The following FAM153A variants were observed in gnomAD, a reference collection of about 807,000 sequenced individuals.
FAM153A encodes protein FAM153A.
FAM153A carries 12 observed loss-of-function variants against 48.1 expected under a neutral mutation model. The observed-to-expected ratio is 0.25, with a 90% confidence interval of 0.16 to 0.40. The LOEUF is 0.40. FAM153A is among the 10% of genes least tolerant of loss of function. The probability of loss-of-function intolerance (pLI) is 1.00; values close to 1 mark genes in which losing one functional copy is unlikely to be tolerated. For synonymous variants in FAM153A, 36 were observed against 118.2 expected (o/e 0.30, Z 4.51); for missense variants, 111 against 345.8 (o/e 0.32, Z 5.38).
chr5:177,758,921 A>G (rs1376694986), intron 1 of FAM153A, among the ~76,000 whole-genome samples: 5 of 151,674 alleles, frequency 3.3e-5, no homozygotes, highest in Non-Finnish European at 5.9e-5. Flanking sequence ...ATGGGCAAGG[A>G]CTTCATGTCT....
At chr5:177,699,744 C>CA in the FAM153A span, among the ~76,000 whole-genome samples, 3 of 152,052 alleles carry the variant, frequency 2.0e-5, no homozygotes, top group South Asian at 6.2e-4. Context: ...AGCCCAGGGC[C>CA]AGATGGCTTG....
chr5:177,740,687 C>T lies in FAM153A; in HGVS notation c.466+90G>A, dbSNP rs1370235076. 18 of 901,296 alleles carry T rather than the reference C, an allele frequency of 2.0e-5. 3 individuals carry two copies. The Middle Eastern group carries it at 1.1e-3, about 56-fold the overall frequency. The allele number at this position is 901,296 out of a possible 1,614,324, so 55.8% of individuals were successfully genotyped here. A position where few individuals can be genotyped will look rare whatever the true frequency, so the allele number is the denominator to read the frequency against. On this transcript the variant is annotated intron_variant, in intron 8 of 20. Coordinates refer to ENST00000614127, the Ensembl canonical transcript of FAM153A. ...AGCAAACCACCATGACACATTTATA[C>T]CAATGTAACAAAGCTGCATGTTCTA...
At chr5:177,759,267 C>T (rs548032437) in intron 1 of FAM153A, among the ~76,000 whole-genome samples, 1 of 151,754 alleles carries the variant, frequency 6.6e-6, no homozygotes, top group Non-Finnish European at 1.5e-5. Flanking sequence ...ACCACAATGA[C>T]ATACCATCTC....
At chr5:177,712,476 GA>G (rs1433087037) in exon 27 of FAM153A, 1 of 151,514 alleles carries the variant, frequency 6.6e-6, no homozygotes, top group Admixed American at 6.6e-5. Context: ...CACCTCAAAA[GA>G]AAAAATAAGG....
rs547515991 is a variant in FAM153A, at chr5:177,738,279, G to A, written c.562+834C>T. On this transcript the variant is annotated intron_variant, in intron 10 of 20. Transcript: ENST00000614127. ...TATGCCGTTAAATACAATATAACACGCCTGATTATTTTCTGCTTTGGATCA... is the reference window on the plus strand; with the variant it reads ...TATGCCGTTAAATACAATATAACACACCTGATTATTTTCTGCTTTGGATCA... Among the ~76,000 whole-genome samples the A allele has an allele frequency of 1.3e-4, 19 of 151,204 alleles. 1 individual carries two copies. The highest frequency in any genetic ancestry group is 4.7e-4 in the African/African-American group (19 of 40,520).
chr5:177,705,974 A>G (rs901282045), downstream of FAM153A, among the ~76,000 whole-genome samples: 8 of 151,414 alleles, frequency 5.3e-5, no homozygotes, highest in South Asian at 4.2e-4. Flanking sequence ...ACATTTTTCA[A>G]AGAAACTAAA....
chr5:177,701,069 C>T, the FAM153A span, among the ~76,000 whole-genome samples: 3 of 151,514 alleles, frequency 2.0e-5, no homozygotes, highest in Non-Finnish European at 4.4e-5. Context: ...TAGTGAGTTC[C>T]CTTGAGATCT....
In FAM153A at chr5:177,731,579, C is replaced by A; in HGVS notation, c.852G>T (p.Thr284=). 4.6e-6 allele frequency: 5 copies of A among 1,098,004 alleles called. 1 individual carries two copies. The highest frequency in any genetic ancestry group is 3.7e-6 in the Non-Finnish European group (3 of 820,788). The allele number at this position is 1,098,004 out of a possible 1,614,324, so 68.0% of individuals were successfully genotyped here. ...TCCCAGAATACGTACTCTTTGCCAG[C>A]GTGGCTGGGTCCACCTGCATCTAGA... is the stretch of plus-strand genomic sequence containing the variant. The change falls in exon 16 of 21, where the codon ACG becomes ACT. Residue 284 remains threonine (T), a synonymous_variant. Coordinates refer to ENST00000614127, the Ensembl canonical transcript of FAM153A.
At chr5:177,730,637 C>T (rs1471113037) in intron 16 of FAM153A, among the ~76,000 whole-genome samples, 6 of 126,736 alleles carry the variant, frequency 4.7e-5, no homozygotes, top group African/African-American at 1.6e-4. Context: ...CACATGCACA[C>T]AGAAGTGCTG....
chr5:177,781,885 ATT>A (rs1278832484), upstream of FAM153A, among the ~76,000 whole-genome samples: 36 of 67,236 alleles, frequency 5.4e-4, no homozygotes, highest in East Asian at 6.4e-3. Context: ...CGCCCGGCTA[ATT>A]TTTTTTTTTT....
chr5:177,753,464 A>G (rs1232225438), upstream of FAM153A, among the ~76,000 whole-genome samples: 2 of 147,412 alleles, frequency 1.4e-5, no homozygotes, highest in Non-Finnish European at 3.0e-5. Context: ...GTATTATTCT[A>G]TGTGTATGAA....
upstream of FAM153A, among the ~76,000 whole-genome samples, chr5:177,758,009 CA>C (rs1241164616): frequency 6.6e-6 from 1 of 151,818 alleles, no homozygotes; most frequent in African/African-American, 2.4e-5. Flanking sequence ...AAAGGGTATT[CA>C]ATTAGGAAAA....
At chr5:177,704,666 C>G (rs1345987875), downstream of FAM153A, among the ~76,000 whole-genome samples, 1 of 151,712 alleles carries the variant, frequency 6.6e-6, no homozygotes, top group Non-Finnish European at 1.5e-5. Flanking sequence ...TGGTGCTGTT[C>G]TCATGATAGT....
chr5:177,755,261 G>A (rs550767743), upstream of FAM153A, among the ~76,000 whole-genome samples: 20 of 151,574 alleles, frequency 1.3e-4, 2 homozygotes, highest in African/African-American at 4.6e-4. Context: ...TGAATGAAAT[G>A]AAGCGAGAAG....
At chr5:177,705,364 G>T (rs1757784536), downstream of FAM153A, among the ~76,000 whole-genome samples, 1 of 120,776 alleles carries the variant, frequency 8.3e-6, no homozygotes, top group Admixed American at 1.2e-4. Flanking sequence ...GTTTCACCAT[G>T]TGAGATACCT....
At chr5:177,754,363 C>T (rs58736697), upstream of FAM153A, among the ~76,000 whole-genome samples, 64,596 of 137,352 alleles carry the variant, frequency 0.47, 10,654 homozygotes, top group Middle Eastern at 0.51. Context: ...TGGAGCCCAC[C>T]GCAGCTCAAG....
At chr5:177,740,496 A>T in intron 8 of FAM153A, 1 of 170,560 alleles carries the variant, frequency 5.9e-6, no homozygotes, top group South Asian at 1.0e-4. Context: ...TGCACTGTGT[A>T]TTGGATGTGT....
downstream of FAM153A, among the ~76,000 whole-genome samples, chr5:177,703,193 G>C (rs2127540517): frequency 6.6e-6 from 1 of 152,236 alleles, no homozygotes; most frequent in Middle Eastern, 3.4e-3. Context: ...CAGGGGCAGA[G>C]TTGCCCAAGG....
At chr5:177,710,173 C>T (rs1393289468), downstream of FAM153A, among the ~76,000 whole-genome samples, 1 of 150,482 alleles carries the variant, frequency 6.6e-6, no homozygotes, top group South Asian at 2.1e-4. Flanking sequence ...AGTGCAATAG[C>T]ATGATCTCGG....
Sources: allele counts gnomAD v4.1 joint callset (sites outside exome capture counted in the v4.1 genomes callset), GRCh38; gene constraint gnomAD v4.1.1; transcripts MANE v1.5; gene names NCBI Gene and HGNC (gene_info 2026-07-23, HGNC 2026-07-21).